ANAPC11: variants seen among roughly 807,000 people sequenced by gnomAD.
The protein encoded by ANAPC11 is anaphase-promoting complex subunit 11.
A neutral mutation model predicts 11.8 loss-of-function variants in ANAPC11; 5 were observed. That is an observed-to-expected ratio of 0.42 (90% CI 0.22 to 0.89). The LOEUF is 0.89. Ranked by LOEUF, ANAPC11 falls within the 40% of genes least tolerant of loss-of-function variation. The probability of loss-of-function intolerance (pLI) is 0.28; values close to 1 mark genes in which losing one functional copy is unlikely to be tolerated. For missense variants in ANAPC11, 68 were observed against 112.9 expected, an observed-to-expected ratio of 0.60 and a Z score of 1.80; for synonymous variants, 45 against 41.0, an observed-to-expected ratio of 1.10 and a Z score of -0.38.
intron 3 of ANAPC11, chr17:81,897,975 C>T (rs924963745): frequency 2.6e-5 from 4 of 152,218 alleles, no homozygotes; most frequent in Admixed American, 1.3e-4. Context: ...AAATAGAAAT[C>T]TCATCACTCA....
In ANAPC11 at chr17:81,891,745, C is replaced by T. The variant is rs2039537046; in HGVS notation, c.-171C>T. On this transcript the variant is annotated 5_prime_UTR_variant, in exon 1 of 4. Coordinates refer to ENST00000344877, the MANE Select transcript of ANAPC11 (RefSeq NM_001002248.3). The stretch of plus-strand genomic sequence containing the variant: ...CGCGTGCGCACTGGCGTGCGAGACT[C>T]GGCGGGCGCTGTTGAGGGAGTCGGG... The T allele has an allele frequency of 6.0e-6, 3 of 498,322 alleles. No individual in the cohort carries two copies. The highest frequency in any genetic ancestry group is 3.7e-5 in the South Asian group (1 of 26,798). 30.9% of individuals were successfully genotyped at this position (498,322 alleles called of 1,614,324 possible). A position where few individuals can be genotyped will look rare whatever the true frequency, so the allele number is the denominator to read the frequency against.
downstream of ANAPC11, chr17:81,900,408 C>A (rs374822528): frequency 2.2e-4 from 78 of 359,196 alleles, 2 homozygotes; most frequent in South Asian, 2.1e-3. Context: ...CAGGATCAGA[C>A]GGTAGAGCCT....
At position 81,900,066 on chromosome 17, in the gene ANAPC11, G is replaced by C. The variant is rs2039890856; in HGVS notation, c.*1G>C. 4 of 1,612,458 alleles carry C rather than the reference G, an allele frequency of 2.5e-6. No individual in the cohort carries two copies. The East Asian group carries it at 6.7e-5, about 27-fold the overall frequency. On this transcript the variant is annotated 3_prime_UTR_variant, in exon 4 of 4. Coordinates refer to ENST00000344877, the MANE Select transcript of ANAPC11 (RefSeq NM_001002248.3). The stretch of plus-strand genomic sequence containing the variant: ...CCAGGAATGGAAGTTCAAGGAGTGA[G>C]GCCCGACCTGGCTCTCGCTGGAGGG...
chr17:81,898,967 A>T (rs2039836266), intron 3 of ANAPC11: 1 of 533,032 alleles, frequency 1.9e-6, no homozygotes, highest in African/African-American at 1.9e-5. Context: ...GAAAGGGCCG[A>T]TATCAAGCAG....
intron 3 of ANAPC11, 60 bp downstream of exon 3, chr17:81,894,646 TCTGCTGC>T (rs768657942): frequency 1.4e-4 from 165 of 1,149,660 alleles, no homozygotes; most frequent in East Asian, 7.0e-4. Flanking sequence ...CTCTGTGCTG[TCTGCTGC>T]CTGCTGGACT....
At chr17:81,892,482 T>C (rs1396601235) in intron 1 of ANAPC11, among the ~76,000 whole-genome samples, 1 of 150,984 alleles carries the variant, frequency 6.6e-6, no homozygotes, top group Non-Finnish European at 1.5e-5. Context: ...AAAAAAATTA[T>C]TTTTGCAACT....
At chr17:81,894,682 T>G (rs914431316) in intron 3 of ANAPC11, 96 bp downstream of exon 3, 1 of 620,688 alleles carries the variant, frequency 1.6e-6, no homozygotes, top group Non-Finnish European at 2.7e-6. Flanking sequence ...TAGCTCCTGT[T>G]AAATACCTGC....
upstream of ANAPC11, chr17:81,891,706 G>A (rs2039535539): frequency 1.1e-6 from 1 of 922,406 alleles, no homozygotes; most frequent in South Asian, 2.6e-5. Context: ...GCGGGACGGG[G>A]TGAGGCGGGG....
intron 1 of ANAPC11, chr17:81,893,278 G>C (rs2039615050): frequency 6.6e-6 from 1 of 152,200 alleles, no homozygotes; most frequent in African/African-American, 2.4e-5. Context: ...ATTTTTAGTA[G>C]AGACAGGGTT....
At chr17:81,891,568 C>T (rs1274930459), upstream of ANAPC11, 10 of 1,437,732 alleles carry the variant, frequency 7.0e-6, no homozygotes, top group Middle Eastern at 5.4e-4. Flanking sequence ...ATGGCGGGCG[C>T]GGAATCGGGC....
At chr17:81,891,928 C>G (rs1241070892) in intron 1 of ANAPC11, 87 bp downstream of exon 1, 1 of 175,986 alleles carries the variant, frequency 5.7e-6, no homozygotes, top group East Asian at 1.9e-4. Flanking sequence ...CCTCCCTCCC[C>G]GCACGCTCCG....
intron 1 of ANAPC11, among the ~76,000 whole-genome samples, chr17:81,892,283 G>C (rs2039565992): frequency 6.6e-6 from 1 of 151,890 alleles, no homozygotes; most frequent in African/African-American, 2.4e-5. Flanking sequence ...GACCAGCCGG[G>C]GCAACATCGT....
At chr17:81,891,541 T>C, upstream of ANAPC11, 1 of 1,435,466 alleles carries the variant, frequency 7.0e-7, no homozygotes, top group Non-Finnish European at 9.2e-7. Context: ...TCCAGAGACA[T>C]GTCCATTTTG....
At chr17:81,897,545 T>G (rs1049062296) in intron 3 of ANAPC11, among the ~76,000 whole-genome samples, 65 of 152,068 alleles carry the variant, frequency 4.3e-4, no homozygotes, top group African/African-American at 1.4e-3. Context: ...GGCAAAATCA[T>G]AGCTCACTGT....
intron 2 of ANAPC11, 54 bp from the exon 3 acceptor site, chr17:81,894,413 C>G (rs568316667): frequency 9.1e-7 from 1 of 1,097,484 alleles, no homozygotes; most frequent in East Asian, 2.5e-5. Context: ...GGTGCCTAAA[C>G]GTTCTAGCTC....
chr17:81,898,257 T>TGG (rs1208677016), intron 3 of ANAPC11: 1 of 152,270 alleles, frequency 6.6e-6, no homozygotes, highest in Non-Finnish European at 1.5e-5. Context: ...GCTGCATCCG[T>TGG]GGGCCAGATG....
intron 2 of ANAPC11, 55 bp from the exon 3 acceptor site, chr17:81,894,412 A>T: frequency 9.2e-7 from 1 of 1,089,864 alleles, no homozygotes; most frequent in Non-Finnish European, 1.4e-6. Flanking sequence ...TGGTGCCTAA[A>T]CGTTCTAGCT....
chr17:81,900,155 C>A lies in ANAPC11; in HGVS notation c.*90C>A. 1 of 1,561,384 alleles carries A rather than the reference C, an allele frequency of 6.4e-7. No individual in the cohort carries two copies. The highest frequency in any genetic ancestry group is 8.7e-7 in the Non-Finnish European group (1 of 1,151,608). On this transcript the variant is annotated 3_prime_UTR_variant, in exon 4 of 4. Transcript: ENST00000344877. ...TGCTGGGGACAGCGCCCCTGAGCTG[C>A]AACAAGGTGGAAACAAGGGCTGGAG...
intron 3 of ANAPC11, among the ~76,000 whole-genome samples, chr17:81,897,095 A>G (rs1290332417): frequency 1.3e-5 from 2 of 152,044 alleles, no homozygotes; most frequent in African/African-American, 2.4e-5. Context: ...CCGCCTCCCT[A>G]GTTCAAGTGA....
Sources: gnomAD v4.1 joint callset for allele counts (sites outside exome capture counted in the v4.1 genomes callset) on GRCh38, gnomAD v4.1.1 for gene constraint, MANE v1.5 for transcripts, NCBI Gene and HGNC (gene_info 2026-07-23, HGNC 2026-07-21) for gene names.